The following SATL1 variants were observed in gnomAD, a reference collection of about 807,000 sequenced individuals.
SATL1 encodes the protein spermidine/spermine N1-acetyl transferase like 1, also known as spermidine/spermine N(1)-acetyltransferase-like protein 1.
In SATL1, 47 loss-of-function variants were observed where a neutral mutation model predicts 51.8. That is an observed-to-expected ratio of 0.91 (90% CI 0.72 to 1.16). The LOEUF is 1.16. Among genes scored for constraint, SATL1 ranks in the 50% most tolerant of loss-of-function variants. The pLI, the probability that SATL1 is intolerant of heterozygous loss-of-function variation, is 0.00. For missense variants in SATL1, 520 were observed against 526.4 expected (o/e 0.99, Z 0.12); for synonymous variants, 176 against 182.4 (o/e 0.97, Z 0.28).
intron 1 of SATL1, among the ~76,000 whole-genome samples, chrX:85,224,906 A>G (rs1928245951): frequency 1.8e-5 from 2 of 111,519 alleles, no homozygotes; most frequent in South Asian, 7.5e-4. Flanking sequence ...TAAACAAACC[A>G]TGAAACATCC....
At chrX:85,146,583 C>G (rs906518148) in intron 2 of SATL1, among the ~76,000 whole-genome samples, 8 of 112,247 alleles carry the variant, frequency 7.1e-5, no homozygotes, top group African/African-American at 2.6e-4. Context: ...CAAGTATCCA[C>G]TGGGAGTCCT....
chrX:85,225,418 G>A (rs1181635128), intron 1 of SATL1, among the ~76,000 whole-genome samples: 2 of 112,387 alleles, frequency 1.8e-5, no homozygotes, highest in Non-Finnish European at 3.8e-5. Flanking sequence ...ACAACTGCAT[G>A]TGAATCCACA....
chrX:85,161,089 A>G (rs1324452634), intron 2 of SATL1, among the ~76,000 whole-genome samples: 1 of 111,905 alleles, frequency 8.9e-6, no homozygotes, highest in Admixed American at 9.5e-5. Flanking sequence ...AGGAAAAATA[A>G]GATTCTTTTC....
intron 1 of SATL1, among the ~76,000 whole-genome samples, chrX:85,240,358 G>T (rs1392983718): frequency 5.4e-5 from 6 of 111,676 alleles, no homozygotes; most frequent in Non-Finnish European, 1.1e-4. Context: ...ACGACGGCCT[G>T]AACTCCTTAA....
At chrX:85,191,948 C>G (rs1455870763) in intron 2 of SATL1, among the ~76,000 whole-genome samples, 1 of 112,078 alleles carries the variant, frequency 8.9e-6, no homozygotes, top group Non-Finnish European at 1.9e-5. Context: ...CCTAATCTGT[C>G]TCAGTAAAAG....
intron 2 of SATL1, among the ~76,000 whole-genome samples, chrX:85,154,273 C>T (rs1018545768): frequency 6.3e-5 from 7 of 110,646 alleles, no homozygotes; most frequent in Admixed American, 1.9e-4. Context: ...GGGTGGGAGA[C>T]GGCGTACCAT....
chrX:85,172,897 TA>T (rs1294607979), intron 2 of SATL1, among the ~76,000 whole-genome samples: 1 of 111,446 alleles, frequency 9.0e-6, no homozygotes, highest in African/African-American at 3.2e-5. Context: ...GCATCTATAT[TA>T]AAAAGAAAAG....
Position 85,094,338 on chromosome X carries a change from G to C in SATL1, c.1775-109C>G, listed in dbSNP as rs188622059. 86 of 464,644 alleles carry C rather than the reference G, an allele frequency of 1.9e-4. 1 individual carries two copies. The African/African-American group carries it at 1.9e-3, about 10-fold the overall frequency. 38.3% of individuals were successfully genotyped at this position (464,644 alleles called of 1,213,427 possible). On this transcript the variant is annotated intron_variant, in intron 5 of 7. Transcript: ENST00000644105. ...TTGTTTAACTATTAAAGTAATAAAT[G>C]CTCACTGGAAAAAAATAACAATACA...
chrX:85,098,064 C>G (rs191845211), intron 4 of SATL1, among the ~76,000 whole-genome samples: 108 of 111,221 alleles, frequency 9.7e-4, no homozygotes, highest in African/African-American at 3.3e-3. Flanking sequence ...AAAACATGAT[C>G]CAAGTATATA....
At chrX:85,200,754 A>G (rs1927670520) in intron 2 of SATL1, among the ~76,000 whole-genome samples, 1 of 111,545 alleles carries the variant, frequency 9.0e-6, no homozygotes, top group South Asian at 3.7e-4. Flanking sequence ...TGTGGTATAA[A>G]AAAGTTTTTT....
At chrX:85,147,590 C>T in intron 2 of SATL1, among the ~76,000 whole-genome samples, 1 of 111,600 alleles carries the variant, frequency 9.0e-6, no homozygotes, top group Non-Finnish European at 1.9e-5. Flanking sequence ...GGCAGACTGA[C>T]ACCTCACACA....
At chrX:85,201,655 C>T (rs976220413) in intron 2 of SATL1, among the ~76,000 whole-genome samples, 2 of 111,039 alleles carry the variant, frequency 1.8e-5, no homozygotes, top group African/African-American at 6.6e-5. Context: ...TCTTCTGCTT[C>T]CTTCTTTGTG....
chrX:85,213,773 C>G (rs1307824422), intron 2 of SATL1, among the ~76,000 whole-genome samples: 2 of 110,803 alleles, frequency 1.8e-5, no homozygotes, highest in Non-Finnish European at 3.8e-5. Flanking sequence ...AAAGATATAT[C>G]ATCTATGAGG....
chrX:85,149,935 G>A (rs1926376273), intron 2 of SATL1, among the ~76,000 whole-genome samples: 1 of 111,407 alleles, frequency 9.0e-6, no homozygotes. Context: ...ACATTCAAAA[G>A]CTAGCAGAAG....
At chrX:85,172,316 A>G (rs188389573) in intron 2 of SATL1, among the ~76,000 whole-genome samples, 1 of 111,382 alleles carries the variant, frequency 9.0e-6, no homozygotes, top group African/African-American at 3.2e-5. Flanking sequence ...CATGTTAGAC[A>G]CTCTATTTGA....
chrX:85,160,154 A>G (rs1167918468), intron 2 of SATL1, among the ~76,000 whole-genome samples: 1 of 110,377 alleles, frequency 9.1e-6, no homozygotes, highest in Non-Finnish European at 1.9e-5. Flanking sequence ...TCTCAAGGTC[A>G]TCAAATAGGA....
At chrX:85,210,724 G>T (rs1927902609) in intron 2 of SATL1, 2 of 111,643 alleles carry the variant, frequency 1.8e-5, no homozygotes, top group South Asian at 7.5e-4. Context: ...AGGTCAGAGG[G>T]ACTGGCCGTA....
intron 2 of SATL1, among the ~76,000 whole-genome samples, chrX:85,142,223 C>A (rs768876830): frequency 9.5e-6 from 1 of 105,525 alleles, no homozygotes; most frequent in Non-Finnish European, 1.9e-5. Flanking sequence ...GATGAAACCC[C>A]GTCTCTACTA....
At chrX:85,224,871 AC>A (rs1928245535) in intron 1 of SATL1, among the ~76,000 whole-genome samples, 1 of 110,866 alleles carries the variant, frequency 9.0e-6, no homozygotes, top group South Asian at 3.8e-4. Context: ...GAAAGGAGAC[AC>A]TTTTCCTTCA....
Sources: gnomAD v4.1 joint callset for allele counts (sites outside exome capture counted in the v4.1 genomes callset) on GRCh38, gnomAD v4.1.1 for gene constraint, MANE v1.5 for transcripts, NCBI Gene and HGNC (gene_info 2026-07-23, HGNC 2026-07-21) for gene names.